The following FANCD2 variants were observed in gnomAD, a reference collection of about 807,000 sequenced individuals.
FANCD2 encodes Fanconi anemia group D2 protein.
FANCD2 carries 131 observed loss-of-function variants against 192.3 expected under a neutral mutation model. The ratio of observed to expected loss-of-function variants is 0.68; its 90% CI spans 0.59 to 0.79. FANCD2 has a LOEUF of 0.79. Ranked by LOEUF, FANCD2 falls within the 30% of genes least tolerant of loss-of-function variation. FANCD2 has a pLI of 0.00. For missense variants in FANCD2, 1,508 were observed against 1,701.6 expected (o/e 0.89, Z 2.00); for synonymous variants, 524 against 612.5 (o/e 0.86, Z 2.13).
At chr3:10,073,655 A>T (rs1693376867) in intron 28 of FANCD2, among the ~76,000 whole-genome samples, 1 of 152,194 alleles carries the variant, frequency 6.6e-6, no homozygotes, top group African/African-American at 2.4e-5. Context: ...GATTATCAGT[A>T]GTTCCCTTTT....
chr3:10,030,034 A>G (rs1378666162), intron 2 of FANCD2, among the ~76,000 whole-genome samples: 4 of 150,666 alleles, frequency 2.7e-5, no homozygotes, highest in African/African-American at 9.8e-5. Flanking sequence ...TGATCCATCC[A>G]TCTCGGCCTC....
At chr3:10,068,087 C>T (rs927074621) in intron 26 of FANCD2, among the ~76,000 whole-genome samples, 9 of 151,992 alleles carry the variant, frequency 5.9e-5, no homozygotes, top group African/African-American at 2.2e-4. Flanking sequence ...ACAAGGATAC[C>T]CACTTATATA....
chr3:10,092,242 A>G lies in FANCD2; in HGVS notation c.3839A>G (p.Asn1280Ser), dbSNP rs768845755. The G allele has an allele frequency of 6.2e-7, 1 of 1,612,544 alleles. No homozygotes were observed. Reference protein sequence around the residue: ...MAVRDFSILINLIKVFDSHPV... With the variant: ...MAVRDFSILISLIKVFDSHPV... ...GTTCGAGACTTCAGTATCCTCATCA[A>G]CTTGATAAAGGTGAGTATGGAGACT... Residue 1280 changes from asparagine (N) to serine (S), a missense_variant, in exon 38 of 44, where the codon AAC becomes AGC. Physicochemically the swap from Asn to Ser is conservative, Grantham distance 46. Around this residue, in one of 5 missense-constraint regions of FANCD2, gnomAD observed 796 missense variants for 879.4 expected, o/e 0.91. Coordinates refer to ENST00000675286, the MANE Select transcript of FANCD2 (RefSeq NM_001018115.3).
intron 40 of FANCD2, 146 bp from the exon 41 acceptor site, chr3:10,095,054 A>C: frequency 2.8e-6 from 2 of 707,414 alleles, no homozygotes; most frequent in Non-Finnish European, 5.1e-6. Flanking sequence ...TATTCCTCCT[A>C]TTTGAGAGGC....
chr3:10,041,799 AT>A, intron 10 of FANCD2, 89 bp downstream of exon 10: 1 of 898,222 alleles, frequency 1.1e-6, no homozygotes, highest in African/African-American at 1.6e-5. Flanking sequence ...GGAGTAATGA[AT>A]ATTTCATTTT....
intron 37 of FANCD2, among the ~76,000 whole-genome samples, chr3:10,091,327 C>A (rs187584264): frequency 6.6e-6 from 1 of 151,400 alleles, no homozygotes. Flanking sequence ...GCAATCCTCC[C>A]GCCTCAGCCT....
intron 32 of FANCD2, among the ~76,000 whole-genome samples, chr3:10,081,757 C>A (rs923386445): frequency 1.1e-4 from 17 of 151,972 alleles, no homozygotes; most frequent in Non-Finnish European, 2.4e-4. Flanking sequence ...TGCTTTAATT[C>A]CAGATTGTTT....
intron 10 of FANCD2, 95 bp downstream of exon 10, chr3:10,041,805 C>A: frequency 6.6e-5 from 53 of 797,278 alleles, no homozygotes; most frequent in Middle Eastern, 2.3e-4. Flanking sequence ...ATGAATATTT[C>A]ATTTTGAAAC....
At chr3:10,100,263 G>A (rs901396503) in intron 43 of FANCD2, among the ~76,000 whole-genome samples, 2 of 152,180 alleles carry the variant, frequency 1.3e-5, no homozygotes, top group Non-Finnish European at 2.9e-5. Flanking sequence ...AGAATTTGAG[G>A]CAGACAATAT....
Position 10,039,718 on chromosome 3 carries a change from C to T in FANCD2, c.571-3C>T, listed in dbSNP as rs191386799. On this transcript the variant is annotated splice_region_variant and splice_polypyrimidine_tract_variant and intron_variant, in intron 8 of 43. Transcript: ENST00000675286. ...GCAGTTCTAATAGTGTCTTCTACTG[C>T]AGGACCTCACCACCAAGATCATGCA... The T allele has an allele frequency of 1.7e-5, 28 of 1,614,102 alleles. No individual in the cohort carries two copies. Among genetic ancestry groups the T allele is most frequent in the Admixed American group, 1.2e-4 (7 of 60,004 alleles).
intron 35 of FANCD2, 82 bp from the exon 36 acceptor site, chr3:10,088,746 C>G (rs2125077259): frequency 4.1e-6 from 6 of 1,457,334 alleles, no homozygotes; most frequent in Non-Finnish European, 5.8e-6. Flanking sequence ...ATTGTTAATT[C>G]AGATCATAGA....
chr3:10,066,768 A>T (rs1575796585), intron 25 of FANCD2, among the ~76,000 whole-genome samples: 1 of 152,176 alleles, frequency 6.6e-6, no homozygotes, highest in Non-Finnish European at 1.5e-5. Flanking sequence ...TCTGTCACCC[A>T]GGCTGGAGTG....
At chr3:10,044,668 T>C (rs904407366) in intron 14 of FANCD2, among the ~76,000 whole-genome samples, 1 of 152,154 alleles carries the variant, frequency 6.6e-6, no homozygotes, top group African/African-American at 2.4e-5. Flanking sequence ...GGAATCTGTT[T>C]TGTGGGATTT....
At chr3:10,039,244 G>A (rs773259037) in intron 7 of FANCD2, 35 bp from the exon 8 acceptor site, 1 of 1,497,618 alleles carries the variant, frequency 6.7e-7, no homozygotes, top group African/African-American at 1.4e-5. Context: ...GACCAGAAAG[G>A]CTCAGTTCCC....
intron 32 of FANCD2, among the ~76,000 whole-genome samples, chr3:10,082,853 T>G: frequency 6.6e-6 from 1 of 152,212 alleles, no homozygotes; most frequent in East Asian, 1.9e-4. Flanking sequence ...GTCTGTCATT[T>G]TTATATCCTC....
intron 1 of FANCD2, among the ~76,000 whole-genome samples, chr3:10,027,943 C>A (rs1308452433): frequency 6.9e-6 from 1 of 145,148 alleles, no homozygotes; most frequent in East Asian, 2.0e-4. Flanking sequence ...TTAGGCCGGG[C>A]GGCTCACACC....
At chr3:10,028,761 ATG>A (rs2086519510) in intron 2 of FANCD2, 40 bp downstream of exon 2, 1 of 1,521,688 alleles carries the variant, frequency 6.6e-7, no homozygotes, top group South Asian at 1.1e-5. Flanking sequence ...TCCTGTAGCA[ATG>A]TGTGAGGCAT....
chr3:10,099,281 GC>G, intron 43 of FANCD2: 1 of 1,267,568 alleles, frequency 7.9e-7, no homozygotes, highest in Non-Finnish European at 1.0e-6. Context: ...AAGTTCTTAC[GC>G]TTTTTTGTGG....
At chr3:10,035,342 G>C (rs2086702109) in intron 6 of FANCD2, 109 bp downstream of exon 6, 3 of 962,664 alleles carry the variant, frequency 3.1e-6, no homozygotes. Flanking sequence ...GGAGAATTTG[G>C]GTTTGTAGCA....
Sources: allele counts gnomAD v4.1 joint callset (sites outside exome capture counted in the v4.1 genomes callset), GRCh38; gene constraint gnomAD v4.1.1; regional missense constraint gnomAD v4.1.1; transcripts MANE v1.5; gene names NCBI Gene and HGNC (gene_info 2026-07-23, HGNC 2026-07-21).